The following RADIL variants were observed in gnomAD, a reference collection of about 807,000 sequenced individuals.
The protein encoded by RADIL is ras-associating and dilute domain-containing protein.
In RADIL, 99 loss-of-function variants were observed where a neutral mutation model predicts 97.6. The ratio of observed to expected loss-of-function variants is 1.01; its 90% CI spans 0.86 to 1.20. The LOEUF (loss-of-function observed/expected upper bound fraction) is 1.20. RADIL is among the 50% of genes most tolerant of loss of function. The probability of loss-of-function intolerance (pLI) is 0.00; values close to 1 mark genes in which losing one functional copy is unlikely to be tolerated. For synonymous variants in RADIL, 803 were observed against 691.8 expected (o/e 1.16, Z -2.52); for missense variants, 1,765 against 1,498.9 (o/e 1.18, Z -2.93).
At chr7:4,820,133 G>A (rs780878623) in intron 6 of RADIL, among the ~76,000 whole-genome samples, 1 of 152,214 alleles carries the variant, frequency 6.6e-6, no homozygotes, top group Non-Finnish European at 1.5e-5. Flanking sequence ...AGCTGGCCCC[G>A]TCCCCCTGTC....
At position 4,835,118 on chromosome 7, in the gene RADIL, C is replaced by T. The variant is rs778925992; in HGVS notation, c.905G>A (p.Arg302Gln). The change falls in exon 4 of 15, where the codon CGG (arginine) becomes CAG (glutamine). Residue 302 changes from arginine to glutamine, a missense_variant. Coordinates refer to ENST00000399583, the MANE Select transcript of RADIL (RefSeq NM_018059.5). This position sits in a 1 kb window ranked among gnomAD's most constrained non-coding sequence, Gnocchi z 5.8. ...DILPLHCTIRRQPLPDSGQAA... is the reference protein window; with the variant it reads ...DILPLHCTIRQQPLPDSGQAA... Reference sequence around the variant, plus strand: ...CTGGCCGCTGTCCGGGAGCGGTTGCCGGCGGATGGTGCAGTGTAGAGGCAG... The same window carrying T: ...CTGGCCGCTGTCCGGGAGCGGTTGCTGGCGGATGGTGCAGTGTAGAGGCAG... 6.2e-7 allele frequency: 1 copy of T among 1,608,830 alleles called. No homozygotes were observed. Among genetic ancestry groups the T allele is most frequent in the Admixed American group, 1.7e-5 (1 of 59,358 alleles).
chr7:4,861,004 A>G, intron 2 of RADIL: 1 of 1,614,218 alleles, frequency 6.2e-7, no homozygotes, highest in Non-Finnish European at 8.5e-7. Flanking sequence ...ATTTCCGTAC[A>G]AGAGTTGACG....
At chr7:4,823,112 G>A (rs1004488046) in intron 5 of RADIL, among the ~76,000 whole-genome samples, 3 of 152,086 alleles carry the variant, frequency 2.0e-5, no homozygotes, top group Admixed American at 6.5e-5. Context: ...CATGAATCGC[G>A]GGGTAGCAGG....
intron 2 of RADIL, among the ~76,000 whole-genome samples, chr7:4,876,850 A>G (rs2115052767): frequency 6.6e-6 from 1 of 152,304 alleles, no homozygotes; most frequent in Middle Eastern, 3.4e-3. Context: ...CACCGTGGTC[A>G]CCTCTGGAGA....
intron 5 of RADIL, among the ~76,000 whole-genome samples, chr7:4,823,872 C>A (rs1414872959): frequency 6.6e-6 from 1 of 152,228 alleles, no homozygotes; most frequent in African/African-American, 2.4e-5. Flanking sequence ...GCCAGCCACA[C>A]ATCTTTCTCA....
At chr7:4,853,572 G>A (rs971387885) in intron 2 of RADIL, among the ~76,000 whole-genome samples, 6 of 151,960 alleles carry the variant, frequency 3.9e-5, no homozygotes, top group East Asian at 1.9e-4. Context: ...GAGAAACCCC[G>A]TCTCTACTAA....
At position 4,799,030 on chromosome 7, in the gene RADIL, C is replaced by T. The variant is rs1781989713; in HGVS notation, c.*348G>A. 3.5e-6 allele frequency: 1 copy of T among 285,904 alleles called. No individual in the cohort carries two copies. The highest frequency in any genetic ancestry group is 6.8e-6 in the Non-Finnish European group (1 of 146,716). 17.7% of individuals were successfully genotyped at this position (285,904 alleles called of 1,614,324 possible). ...CTCCCGTGCCGGTGGCAGGCAGAGG[C>T]CATGGGGAGCCCCTGCGGCCCCTCC... is the stretch of plus-strand genomic sequence containing the variant. On this transcript the variant is annotated 3_prime_UTR_variant, in exon 15 of 15. Transcript: ENST00000399583.
In RADIL at chr7:4,810,485, A is replaced by C. The variant is rs1014034151; in HGVS notation, c.2140-4769T>G. On this transcript the variant is annotated intron_variant, in intron 9 of 14. Transcript: ENST00000399583. Reference sequence around the variant, plus strand: ...GTGTCTCCCAGGAACGAGTTTGCTCAGTCACGTTGCTCTGCCGTATTTCAC... The same window carrying C: ...GTGTCTCCCAGGAACGAGTTTGCTCCGTCACGTTGCTCTGCCGTATTTCAC... 2.6e-5 allele frequency among the ~76,000 whole-genome samples: 4 copies of C among 152,196 alleles called. No homozygotes were observed. The South Asian group carries it at 8.3e-4, about 32-fold the overall frequency.
intron 9 of RADIL, among the ~76,000 whole-genome samples, chr7:4,810,583 G>A (rs1352026836): frequency 6.6e-6 from 1 of 152,200 alleles, no homozygotes; most frequent in Non-Finnish European, 1.5e-5. Flanking sequence ...CCAGTCTGGG[G>A]CGGTTACGAG....
chr7:4,816,549 C>T lies in RADIL; in HGVS notation c.1729-84G>A. 5.4e-6 allele frequency: 6 copies of T among 1,109,996 alleles called. No homozygotes were observed. The South Asian group carries it at 7.1e-5, about 13-fold the overall frequency. 68.8% of individuals were successfully genotyped at this position (1,109,996 alleles called of 1,614,324 possible). A position where few individuals can be genotyped will look rare whatever the true frequency, so the allele number is the denominator to read the frequency against. Reference sequence around the variant, plus strand: ...GGGGGGCCTGACCCAGCGAGCTCCCCACCCACGCACTGCTTGCAGGGACCC... The same window carrying T: ...GGGGGGCCTGACCCAGCGAGCTCCCTACCCACGCACTGCTTGCAGGGACCC... On this transcript the variant is annotated intron_variant, in intron 7 of 14. Coordinates refer to ENST00000399583, the MANE Select transcript of RADIL (RefSeq NM_018059.5).
Position 4,831,280 on chromosome 7 carries a change from A to G in RADIL, c.1454+861T>C, listed in dbSNP as rs113113642. ...AGGCTATTATGCTTAGCAAACTAAC[A>G]CAGGAACAGAAAACCAAATACCTTC... is the stretch of plus-strand genomic sequence containing the variant. On this transcript the variant is annotated intron_variant, in intron 5 of 14. Transcript: ENST00000399583. 3.2e-3 allele frequency among the ~76,000 whole-genome samples: 488 copies of G among 152,118 alleles called. 7 individuals carry two copies. Among genetic ancestry groups the G allele is most frequent in the African/African-American group, 0.011 (461 of 41,484 alleles).
chr7:4,805,423 G>A (rs899109057), intron 10 of RADIL, 143 bp downstream of exon 10: 23 of 1,059,584 alleles, frequency 2.2e-5, no homozygotes, highest in African/African-American at 2.1e-4. Context: ...GGGGTCCTCT[G>A]GGTGGAGGCT....
intron 12 of RADIL, 145 bp downstream of exon 12, chr7:4,801,508 T>A: frequency 1.1e-6 from 1 of 883,486 alleles, no homozygotes; most frequent in East Asian, 2.6e-5. Context: ...GCCCTCTCCA[T>A]CTGGCCCCGT....
chr7:4,850,304 T>C (rs1002936514), intron 2 of RADIL, among the ~76,000 whole-genome samples: 2 of 145,066 alleles, frequency 1.4e-5, no homozygotes, highest in Non-Finnish European at 3.0e-5. Flanking sequence ...CAGAATAATA[T>C]AAGCACAGAA....
At position 4,806,093 on chromosome 7, in the gene RADIL, T is replaced by C. The variant is rs1782298483; in HGVS notation, c.2140-377A>G. On this transcript the variant is annotated intron_variant, in intron 9 of 14. Coordinates refer to ENST00000399583, the MANE Select transcript of RADIL (RefSeq NM_018059.5). Reference sequence around the variant, plus strand: ...AAATCAATCAAGTCGGCTAAAAACCTGCCTGGAAGGCAGGGACATTCATCA... The same window carrying C: ...AAATCAATCAAGTCGGCTAAAAACCCGCCTGGAAGGCAGGGACATTCATCA... 8.2e-6 allele frequency: 8 copies of C among 972,256 alleles called. No individual in the cohort carries two copies. In the South Asian group the frequency reaches 2.9e-4, roughly 35 times the overall value. The allele number at this position is 972,256 out of a possible 1,614,324, so 60.2% of individuals were successfully genotyped here.
intron 5 of RADIL, among the ~76,000 whole-genome samples, chr7:4,831,140 G>A (rs1040370783): frequency 4.7e-5 from 7 of 150,448 alleles, no homozygotes; most frequent in Middle Eastern, 3.2e-3. Flanking sequence ...GCCGTGAGCC[G>A]AGATCTCATT....
In RADIL at chr7:4,801,943, AG is replaced by A. The variant is rs1782100702; in HGVS notation, c.2551del (p.Leu851TrpfsTer21). The stretch of plus-strand genomic sequence containing the variant: ...TGCTGGGCCAGGGTCCCTGGGAGCC[AG>A]GGGGCAGCTCGGGGCCTCCAGGTGC... ...DGHLEAPSCP[L>X]APRDPGPAAR... On this transcript the variant is annotated frameshift_variant, in exon 12 of 15. Transcript: ENST00000399583. LOFTEE classifies it high-confidence loss of function. 7.0e-6 allele frequency: 11 copies of A among 1,565,580 alleles called. No individual in the cohort carries two copies. Among genetic ancestry groups the A allele is most frequent in the Non-Finnish European group, 9.5e-6 (11 of 1,158,434 alleles).
Position 4,849,307 on chromosome 7 carries a change from T to C in RADIL, c.536-12702A>G, listed in dbSNP as rs1350645595. The stretch of plus-strand genomic sequence containing the variant: ...TGCTTTAACTGTGCACATATATATA[T>C]AACTTTGGTGAAAATAAGTAAAAAT... On this transcript the variant is annotated intron_variant, in intron 2 of 14. Coordinates refer to ENST00000399583, the MANE Select transcript of RADIL (RefSeq NM_018059.5). The surrounding 1 kb of genome is among the most constrained non-coding windows in gnomAD (Gnocchi z 5.4). Among the ~76,000 whole-genome samples, 1 of 152,206 alleles carries C rather than the reference T, an allele frequency of 6.6e-6. No individual in the cohort carries two copies. The highest frequency in any genetic ancestry group is 1.9e-4 in the East Asian group (1 of 5,198).
intron 2 of RADIL, among the ~76,000 whole-genome samples, chr7:4,865,143 T>C (rs1784101713): frequency 6.6e-6 from 1 of 152,222 alleles, no homozygotes; most frequent in Admixed American, 6.5e-5. Flanking sequence ...ACCTGGTTGG[T>C]GTGTTGTCAT....
Sources: gnomAD v4.1 joint callset for allele counts (sites outside exome capture counted in the v4.1 genomes callset) on GRCh38, gnomAD v4.1.1 for gene constraint, Gnocchi (gnomAD v3.1) non-coding constraint, MANE v1.5 for transcripts, NCBI Gene and HGNC (gene_info 2026-07-23, HGNC 2026-07-21) for gene names.